Variants in EPG5 observed in about 807,000 individuals in gnomAD.
EPG5 encodes ectopic P-granules 5 autophagy tethering factor.
EPG5 carries 159 observed loss-of-function variants against 302.7 expected under a neutral mutation model. That is an observed-to-expected ratio of 0.53 (90% CI 0.46 to 0.60). The LOEUF is 0.60. Among genes scored for constraint, EPG5 ranks in the 20% least tolerant of loss-of-function variants. The pLI is 0.00. For synonymous variants in EPG5, 1,158 were observed against 1,136.8 expected (o/e 1.02, Z -0.37); for missense variants, 2,896 against 3,092.4 (o/e 0.94, Z 1.51).
the EPG5 span, among the ~76,000 whole-genome samples, chr18:45,825,218 G>A: frequency 0.26 from 35,323 of 134,652 alleles, 5,816 homozygotes; most frequent in African/African-American, 0.4. Flanking sequence ...GATAGAGGGA[G>A]GGAGAGAGGG....
At chr18:45,814,772 A>G in the EPG5 span, among the ~76,000 whole-genome samples, 3 of 152,290 alleles carry the variant, frequency 2.0e-5, no homozygotes, top group South Asian at 4.1e-4. Flanking sequence ...GTTGAGCCCA[A>G]GACTCTCTGG....
chr18:45,825,181 A>G, the EPG5 span, among the ~76,000 whole-genome samples: 2 of 99,490 alleles, frequency 2.0e-5, no homozygotes, highest in South Asian at 4.3e-4. Flanking sequence ...GGAGGAAGAG[A>G]GGGAGGGAGA....
chr18:45,908,431 G>A (rs933549078), intron 23 of EPG5, among the ~76,000 whole-genome samples: 4 of 152,046 alleles, frequency 2.6e-5, no homozygotes, highest in African/African-American at 9.7e-5. Flanking sequence ...TTCTTTCCTA[G>A]GCAATTCAGT....
intron 4 of EPG5, 109 bp from the exon 5 acceptor site, chr18:45,949,700 AAG>A: frequency 3.2e-6 from 2 of 623,126 alleles, no homozygotes; most frequent in African/African-American, 3.7e-5. Context: ...AATCTTTCAA[AAG>A]AGTAACCAGA....
intron 40 of EPG5, among the ~76,000 whole-genome samples, chr18:45,859,769 A>G (rs2048592551): frequency 6.6e-6 from 1 of 152,216 alleles, no homozygotes; most frequent in Non-Finnish European, 1.5e-5. Context: ...GGTATATAGC[A>G]TTTGTTCTGA....
the EPG5 span, among the ~76,000 whole-genome samples, chr18:45,836,825 T>C: frequency 2.0e-5 from 3 of 152,204 alleles, no homozygotes; most frequent in Non-Finnish European, 4.4e-5. Context: ...GCAGGGGCTG[T>C]TTCCTCTCTG....
At chr18:45,892,712 T>C (rs1323876365) in intron 27 of EPG5, among the ~76,000 whole-genome samples, 1 of 152,192 alleles carries the variant, frequency 6.6e-6, no homozygotes, top group Non-Finnish European at 1.5e-5. Context: ...TCACTTCCCA[T>C]AAAATATATT....
chr18:45,903,154 A>T (rs2049660363), intron 25 of EPG5, among the ~76,000 whole-genome samples: 1 of 152,198 alleles, frequency 6.6e-6, no homozygotes, highest in Non-Finnish European at 1.5e-5. Flanking sequence ...GAAAAATGAG[A>T]ATCTACGTTG....
intron 29 of EPG5, among the ~76,000 whole-genome samples, chr18:45,885,431 T>C (rs2049196489): frequency 6.6e-6 from 1 of 152,050 alleles, no homozygotes; most frequent in Admixed American, 6.6e-5. Context: ...ACATGCAATG[T>C]CCCCACCATG....
At chr18:45,801,215 T>C in the EPG5 span, among the ~76,000 whole-genome samples, 4 of 152,152 alleles carry the variant, frequency 2.6e-5, no homozygotes, top group Non-Finnish European at 5.9e-5. Flanking sequence ...TTTTGTATTT[T>C]TAGTAGAGAC....
chr18:45,860,212 G>A lies in EPG5; in HGVS notation c.6901C>T (p.His2301Tyr). 6.2e-7 allele frequency: 1 copy of A among 1,614,252 alleles called. No individual in the cohort carries two copies. Among genetic ancestry groups the A allele is most frequent in the Non-Finnish European group, 8.5e-7 (1 of 1,180,048 alleles). Residue 2301 changes from histidine to tyrosine, a missense_variant, in exon 40 of 44, where the codon CAT (histidine) becomes TAT (tyrosine). Around this residue, in one of 5 missense-constraint regions of EPG5, gnomAD observed 620 missense variants for 704.2 expected, o/e 0.88. Coordinates refer to ENST00000282041, the MANE Select transcript of EPG5 (RefSeq NM_020964.3). The part of the protein sequence containing the change: ...SIRTWIGQKM[H>Y]GLVVLPLLTA... Reference sequence around the variant, plus strand: ...AAAAGGGGCAGCACCACCAGCCCATGCATTTTTTGGCCAATCCAGGTCCGG... The same window carrying A: ...AAAAGGGGCAGCACCACCAGCCCATACATTTTTTGGCCAATCCAGGTCCGG...
At chr18:45,837,157 G>GT in the EPG5 span, 1 of 1,594,488 alleles carries the variant, frequency 6.3e-7, no homozygotes, top group Non-Finnish European at 8.5e-7. Context: ...AGATCCCAGG[G>GT]TTTTTCCACA....
the EPG5 span, among the ~76,000 whole-genome samples, chr18:45,826,958 A>G: frequency 1.3e-5 from 2 of 152,218 alleles, no homozygotes; most frequent in Non-Finnish European, 1.5e-5. Flanking sequence ...TCTGTCACCC[A>G]GGCTGGAGTG....
At chr18:45,889,761 A>C in intron 28 of EPG5, 37 bp downstream of exon 28, 1 of 1,580,250 alleles carries the variant, frequency 6.3e-7, no homozygotes, top group East Asian at 2.3e-5. Context: ...CATGATAACA[A>C]AACAGTATTT....
the EPG5 span, chr18:45,842,442 T>TGTGTGAGA: frequency 7.8e-5 from 27 of 344,964 alleles, no homozygotes; most frequent in African/African-American, 5.5e-4. Flanking sequence ...TGTGTGTGTG[T>TGTGTGAGA]GAGAGAGAGA....
chr18:45,865,659 T>G lies in EPG5; in HGVS notation c.6722A>C (p.Glu2241Ala). ...GATATCGTCTAAGAGCTTAGACATT[T>G]CCTGTTCTAGGACTGCTAAGGTGAT... is the stretch of plus-strand genomic sequence containing the variant. The part of the protein sequence containing the change: ...GKITLAVLEQ[E>A]MSKLLDDIIV... Residue 2241 changes from glutamate (E) to alanine (A), a missense_variant, in exon 39 of 44, where the codon GAA becomes GCA. By Grantham distance (107) the Glu-to-Ala change is moderately radical (BLOSUM62 -1). Coordinates refer to ENST00000282041, the MANE Select transcript of EPG5 (RefSeq NM_020964.3). The G allele has an allele frequency of 6.2e-7, 1 of 1,614,092 alleles. No homozygotes were observed. The highest frequency in any genetic ancestry group is 8.5e-7 in the Non-Finnish European group (1 of 1,180,004).
intron 16 of EPG5, 82 bp from the exon 17 acceptor site, chr18:45,917,901 A>G: frequency 6.7e-7 from 1 of 1,489,848 alleles, no homozygotes. Context: ...ATGAGCCTTC[A>G]ATACCTTGGG....
At chr18:45,913,943 T>G in intron 20 of EPG5, 115 bp from the exon 21 acceptor site, 1 of 1,359,730 alleles carries the variant, frequency 7.4e-7, no homozygotes, top group East Asian at 2.4e-5. Context: ...TCAGCAAATA[T>G]TTGCAGTTTC....
At chr18:45,950,569 T>C (rs959437666) in intron 4 of EPG5, among the ~76,000 whole-genome samples, 1 of 152,206 alleles carries the variant, frequency 6.6e-6, no homozygotes, top group Non-Finnish European at 1.5e-5. Flanking sequence ...AACCTCCTTT[T>C]CTTCCCAGTC....
Sources: allele counts gnomAD v4.1 joint callset (sites outside exome capture counted in the v4.1 genomes callset), GRCh38; gene constraint gnomAD v4.1.1; regional missense constraint gnomAD v4.1.1; transcripts MANE v1.5; gene names NCBI Gene and HGNC (gene_info 2026-07-23, HGNC 2026-07-21).